The following PIK3R2 variants were observed in gnomAD, a reference collection of about 807,000 sequenced individuals.
The protein encoded by PIK3R2 is phosphoinositide-3-kinase regulatory subunit 2, also known as phosphatidylinositol 3-kinase regulatory subunit beta.
In PIK3R2, 40 loss-of-function variants were observed where a neutral mutation model predicts 78.5. That is an observed-to-expected ratio of 0.51 (90% confidence interval 0.40 to 0.66). PIK3R2 has a LOEUF of 0.66. PIK3R2 is among the 30% of genes least tolerant of loss of function. The probability of loss-of-function intolerance (pLI) is 0.00; values close to 1 mark genes in which losing one functional copy is unlikely to be tolerated. For synonymous variants in PIK3R2, 473 were observed against 457.7 expected, an observed-to-expected ratio of 1.03 and a Z score of -0.43; for missense variants, 880 against 1,026.6, an observed-to-expected ratio of 0.86 and a Z score of 1.95.
At chr19:18,159,280 T>C (rs891883309) in intron 2 of PIK3R2, among the ~76,000 whole-genome samples, 2 of 150,762 alleles carry the variant, frequency 1.3e-5, no homozygotes, top group African/African-American at 4.9e-5. Context: ...CGTGAGCCTT[T>C]GCACCCCACC....
rs1334939091 is a variant in PIK3R2 at position 18,168,633 on chromosome 19, A to C, written c.1808+87A>C. On this transcript the variant is annotated intron_variant, in intron 14 of 15. Transcript: ENST00000222254. The surrounding 1 kb of genome is among the most constrained non-coding windows in gnomAD (Gnocchi z 4.1). ...GGTTTCGAAGAATGAGTAGGAGTTCACCAGGGAGGAAAAGTTGTCCAGGCA... is the reference window on the plus strand; with the variant it reads ...GGTTTCGAAGAATGAGTAGGAGTTCCCCAGGGAGGAAAAGTTGTCCAGGCA... 4 of 1,098,000 alleles carry C rather than the reference A, an allele frequency of 3.6e-6. No individual in the cohort carries two copies. Among genetic ancestry groups the C allele is most frequent in the Admixed American group, 1.8e-5 (1 of 56,030 alleles). 68.0% of individuals were successfully genotyped at this position (1,098,000 alleles called of 1,614,324 possible). A position where few individuals can be genotyped will look rare whatever the true frequency, so the allele number is the denominator to read the frequency against.
chr19:18,166,073 C>G lies in PIK3R2; in HGVS notation c.1417-87C>G, dbSNP rs75770458. The G allele has an allele frequency of 3.2e-4, 499 of 1,536,576 alleles. 3 individuals carry two copies. In the African/African-American group the frequency reaches 5.4e-3, roughly 17 times the overall value. On this transcript the variant is annotated intron_variant, in intron 11 of 15. Coordinates refer to ENST00000222254, the MANE Select transcript of PIK3R2 (RefSeq NM_005027.4). ...ATAGAGGGACCAGCTTGAGCAGTCT[C>G]CGTATCAGAGTTGAGATGTGCCTTT...
intron 11 of PIK3R2, among the ~76,000 whole-genome samples, chr19:18,163,661 A>G (rs1253565752): frequency 6.6e-6 from 1 of 152,116 alleles, no homozygotes; most frequent in Non-Finnish European, 1.5e-5. Flanking sequence ...CGTCTACAAA[A>G]AAATTTAAAA....
intron 1 of PIK3R2, among the ~76,000 whole-genome samples, chr19:18,154,933 G>C (rs1376007051): frequency 6.7e-6 from 1 of 149,160 alleles, no homozygotes; most frequent in Admixed American, 6.7e-5. Flanking sequence ...AAAAAAAAAG[G>C]CTGGGCAAGG....
chr19:18,160,498 A>G lies in PIK3R2; in HGVS notation c.350A>G (p.Gln117Arg). 6 of 1,613,718 alleles carry G rather than the reference A, an allele frequency of 3.7e-6. No individual in the cohort carries two copies. Among genetic ancestry groups the G allele is most frequent in the Non-Finnish European group, 5.1e-6 (6 of 1,179,740 alleles). The change falls in exon 3 of 16, where the codon CAG becomes CGG. Residue 117 changes from glutamine (Q) to arginine (R), a missense_variant. Around this residue, in one of 3 missense-constraint regions of PIK3R2, gnomAD observed 456 missense variants for 486.6 expected, o/e 0.94. Transcript: ENST00000222254. Reference sequence around the variant, plus strand: ...CTCACACTCCCCGACTTGCCCGAGCAGTTCTCCCCACCTGATGTGGCTCCC... The same window carrying G: ...CTCACACTCCCCGACTTGCCCGAGCGGTTCTCCCCACCTGATGTGGCTCCC... ...PGLTLPDLPE[Q>R]FSPPDVAPPL...
Position 18,161,471 on chromosome 19 carries a change from C to A in PIK3R2, c.791C>A (p.Pro264Gln). 8.4e-7 allele frequency: 1 copy of A among 1,194,116 alleles called. No individual in the cohort carries two copies. Among genetic ancestry groups the A allele is most frequent in the Non-Finnish European group, 1.0e-6 (1 of 963,000 alleles). 74.0% of individuals were successfully genotyped at this position (1,194,116 alleles called of 1,614,324 possible). The change falls in exon 6 of 16, where the codon CCG becomes CAG. Residue 264 changes from proline (P) to glutamine (Q), a missense_variant. Pro to Gln is a moderately conservative substitution (Grantham distance 76). Coordinates refer to ENST00000222254, the MANE Select transcript of PIK3R2 (RefSeq NM_005027.4). This position sits in a 1 kb window ranked among gnomAD's most constrained non-coding sequence, Gnocchi z 5.3. ...LLRAPPPPSSPPPGGAPDGSE... is the reference protein window; with the variant it reads ...LLRAPPPPSSQPPGGAPDGSE... ...CGCGCGCCGCCGCCGCCGTCCTCGC[C>A]GCCGCCAGGGGGCGCTCCCGACGGG... is the stretch of plus-strand genomic sequence containing the variant.
chr19:18,167,353 C>T lies in PIK3R2; in HGVS notation c.1736+47C>T, dbSNP rs748677682. ...CCCTGCGGCTCCCTGGCGACTGCTGCGGCACATGGAGATCTCTCTAGGAGT... is the reference window on the plus strand; with the variant it reads ...CCCTGCGGCTCCCTGGCGACTGCTGTGGCACATGGAGATCTCTCTAGGAGT... On this transcript the variant is annotated intron_variant, in intron 13 of 15. Coordinates refer to ENST00000222254, the MANE Select transcript of PIK3R2 (RefSeq NM_005027.4). This position sits in a 1 kb window ranked among gnomAD's most constrained non-coding sequence, Gnocchi z 4.5. The T allele has an allele frequency of 3.4e-6, 5 of 1,466,084 alleles. No homozygotes were observed. Among genetic ancestry groups the T allele is most frequent in the South Asian group, 1.3e-5 (1 of 74,770 alleles). The allele number at this position is 1,466,084 out of a possible 1,614,324, so 90.8% of individuals were successfully genotyped here.
Position 18,169,640 on chromosome 19 carries a change from A to T in PIK3R2, c.*346A>T, listed in dbSNP as rs575195311. 4.0e-6 allele frequency: 1 copy of T among 249,760 alleles called. No homozygotes were observed. The highest frequency in any genetic ancestry group is 6.0e-5 in the East Asian group (1 of 16,658). The allele number at this position is 249,760 out of a possible 1,614,324, so 15.5% of individuals were successfully genotyped here. ...CACCGCAGGTCCCCCGGGGTCCCGGAAGCCCCTTCTGGCTGCACCTGCCAT... is the reference window on the plus strand; with the variant it reads ...CACCGCAGGTCCCCCGGGGTCCCGGTAGCCCCTTCTGGCTGCACCTGCCAT... On this transcript the variant is annotated 3_prime_UTR_variant, in exon 16 of 16. Coordinates refer to ENST00000222254, the MANE Select transcript of PIK3R2 (RefSeq NM_005027.4).
chr19:18,155,232 T>C (rs987448557), intron 1 of PIK3R2, among the ~76,000 whole-genome samples: 2 of 147,878 alleles, frequency 1.4e-5, no homozygotes, highest in Non-Finnish European at 3.0e-5. Context: ...TTACTGAGCA[T>C]GTAGTATACC....
chr19:18,168,817 G>A lies in PIK3R2; in HGVS notation c.1900G>A (p.Glu634Lys). The A allele has an allele frequency of 1.2e-6, 2 of 1,614,002 alleles. No homozygotes were observed. The highest frequency in any genetic ancestry group is 1.3e-5 in the African/African-American group (1 of 75,056). The change falls in exon 15 of 16, where the codon GAG becomes AAG. Residue 634 changes from glutamate to lysine, a missense_variant. By Grantham distance (56) the Glu-to-Lys change is moderately conservative. Around this residue, in one of 3 missense-constraint regions of PIK3R2, gnomAD observed 268 missense variants for 299.1 expected, o/e 0.90. Coordinates refer to ENST00000222254, the MANE Select transcript of PIK3R2 (RefSeq NM_005027.4). The surrounding 1 kb of genome is among the most constrained non-coding windows in gnomAD (Gnocchi z 4.1). ...VGKINRTQAE[E>K]MLSGKRDGTF... Reference sequence around the variant, plus strand: ...CAAGATCAACCGCACGCAGGCAGAGGAGATGCTGAGTGGCAAGCGGGATGG... The same window carrying A: ...CAAGATCAACCGCACGCAGGCAGAGAAGATGCTGAGTGGCAAGCGGGATGG...
At position 18,170,088 on chromosome 19, in the gene PIK3R2, A is replaced by C; in HGVS notation, c.*794A>C. ...CCGGGCGTGGTGGCGGCCGCCTGTAATCCCAGCTACTTGGGAGGCTGAGGC... is the reference window on the plus strand; with the variant it reads ...CCGGGCGTGGTGGCGGCCGCCTGTACTCCCAGCTACTTGGGAGGCTGAGGC... On this transcript the variant is annotated 3_prime_UTR_variant, in exon 16 of 16. Transcript: ENST00000222254. 1 of 161,600 alleles carries C rather than the reference A, an allele frequency of 6.2e-6. No individual in the cohort carries two copies. Among genetic ancestry groups the C allele is most frequent in the Non-Finnish European group, 1.4e-5 (1 of 73,282 alleles). 10.0% of individuals were successfully genotyped at this position (161,600 alleles called of 1,614,324 possible). A position where few individuals can be genotyped will look rare whatever the true frequency, so the allele number is the denominator to read the frequency against.
chr19:18,159,669 T>A (rs1255043225), intron 2 of PIK3R2, among the ~76,000 whole-genome samples: 1 of 151,712 alleles, frequency 6.6e-6, no homozygotes, highest in African/African-American at 2.4e-5. Flanking sequence ...GGTCTTGAAC[T>A]CTTAACCTCA....
chr19:18,156,137 C>G lies in PIK3R2; in HGVS notation c.258C>G (p.Pro86=). Residue 86 remains proline (P), a synonymous_variant, in exon 2 of 16, where the codon CCC becomes CCG. Coordinates refer to ENST00000222254, the MANE Select transcript of PIK3R2 (RefSeq NM_005027.4). The surrounding 1 kb of genome is among the most constrained non-coding windows in gnomAD (Gnocchi z 4.2). The part of the protein sequence containing the change: ...EFLGPVALAR[P]GPRPRGPRPL... ...TGGGGCCCGTGGCCCTGGCCCGGCC[C>G]GGCCCTCGCCCACGGGGCCCCCGCC... 2 of 1,484,166 alleles carry G rather than the reference C, an allele frequency of 1.3e-6. No individual in the cohort carries two copies. The highest frequency in any genetic ancestry group is 1.8e-6 in the Non-Finnish European group (2 of 1,120,638). The allele number at this position is 1,484,166 out of a possible 1,614,324, so 91.9% of individuals were successfully genotyped here. A position where few individuals can be genotyped will look rare whatever the true frequency, so the allele number is the denominator to read the frequency against.
chr19:18,169,066 C>G (rs370473804), intron 15 of PIK3R2, 21 bp from the exon 16 acceptor site: 1 of 1,602,534 alleles, frequency 6.2e-7, no homozygotes. Context: ...TTCCGACTCC[C>G]CCTCTCGTCT....
intron 11 of PIK3R2, 188 bp from the exon 12 acceptor site, chr19:18,165,972 G>C: frequency 1.3e-6 from 1 of 746,710 alleles, no homozygotes; most frequent in South Asian, 1.4e-5. Flanking sequence ...AAGAAGAAGA[G>C]GGTTTGGGGG....
chr19:18,154,490 G>T (rs538755926), intron 1 of PIK3R2, among the ~76,000 whole-genome samples: 17 of 152,254 alleles, frequency 1.1e-4, no homozygotes, highest in African/African-American at 4.1e-4. Flanking sequence ...CATTTGCTTG[G>T]ACTCACCTCG....
rs1173823214 is a variant in PIK3R2, at chr19:18,161,449, G to GCGC, written c.781_783dup (p.Pro261dup). On this transcript the variant is annotated inframe_insertion, in exon 6 of 16. Coordinates refer to ENST00000222254, the MANE Select transcript of PIK3R2 (RefSeq NM_005027.4). This position sits in a 1 kb window ranked among gnomAD's most constrained non-coding sequence, Gnocchi z 5.3. The stretch of plus-strand genomic sequence containing the variant: ...CACCTTTGGGCCGCTGCTGCTGCGC[G>GCGC]CGCCGCCGCCGCCGTCCTCGCCGCC... 37 of 1,205,582 alleles carry GCGC rather than the reference G, an allele frequency of 3.1e-5. No homozygotes were observed. Among genetic ancestry groups the GCGC allele is most frequent in the Admixed American group, 4.4e-5 (1 of 22,528 alleles). 74.7% of individuals were successfully genotyped at this position (1,205,582 alleles called of 1,614,324 possible). A position where few individuals can be genotyped will look rare whatever the true frequency, so the allele number is the denominator to read the frequency against.
At position 18,160,977 on chromosome 19, in the gene PIK3R2, G is replaced by A. The variant is rs550021803; in HGVS notation, c.466+8G>A. 1.9e-6 allele frequency: 3 copies of A among 1,612,894 alleles called. No homozygotes were observed. Among genetic ancestry groups the A allele is most frequent in the African/African-American group, 2.7e-5 (2 of 75,058 alleles). ...TGCCCGCACCGCGTACAGGTGAAGG[G>A]GAGCCTCAATGGGGTTGGGAGGAGG... On this transcript the variant is annotated splice_region_variant and intron_variant, in intron 4 of 15. Coordinates refer to ENST00000222254, the MANE Select transcript of PIK3R2 (RefSeq NM_005027.4).
intron 2 of PIK3R2, among the ~76,000 whole-genome samples, chr19:18,158,088 A>G (rs1200018934): frequency 6.6e-6 from 1 of 152,226 alleles, no homozygotes; most frequent in African/African-American, 2.4e-5. Context: ...TTTTAGAAGC[A>G]AAATGATTAA....
Sources: allele counts gnomAD v4.1 joint callset (sites outside exome capture counted in the v4.1 genomes callset), GRCh38; gene constraint gnomAD v4.1.1; regional missense constraint gnomAD v4.1.1; non-coding constraint Gnocchi (gnomAD v3.1); transcripts MANE v1.5; gene names NCBI Gene and HGNC (gene_info 2026-07-23, HGNC 2026-07-21).